BICC1: variants seen among roughly 807,000 people sequenced by gnomAD.
The protein encoded by BICC1 is BicC family RNA binding protein 1.
Under a neutral mutation model 111.0 loss-of-function variants are expected in BICC1, and 43 were observed. The ratio of observed to expected loss-of-function variants is 0.39; its 90% CI spans 0.30 to 0.50. BICC1 has a LOEUF of 0.50. BICC1 is among the 20% of genes least tolerant of loss of function. The pLI, the probability that BICC1 is intolerant of heterozygous loss-of-function variation, is 0.88. For synonymous variants in BICC1, 467 were observed against 434.4 expected, an observed-to-expected ratio of 1.07 and a Z score of -0.93; for missense variants, 1,091 against 1,203.2, an observed-to-expected ratio of 0.91 and a Z score of 1.38.
At chr10:58,764,769 G>C (rs751165886) in intron 3 of BICC1, among the ~76,000 whole-genome samples, 1 of 151,670 alleles carries the variant, frequency 6.6e-6, no homozygotes, top group Non-Finnish European at 1.5e-5. Context: ...CATAAGATCA[G>C]TGGGCTGAAA....
intron 1 of BICC1, among the ~76,000 whole-genome samples, chr10:58,524,236 T>A (rs186970827): frequency 6.6e-6 from 1 of 152,122 alleles, no homozygotes; most frequent in Non-Finnish European, 1.5e-5. Context: ...AAGCCCGCAT[T>A]GCCAAGTCAA....
intron 3 of BICC1, among the ~76,000 whole-genome samples, chr10:58,731,124 A>G (rs180788178): frequency 6.6e-6 from 1 of 152,040 alleles, no homozygotes; most frequent in African/African-American, 2.4e-5. Flanking sequence ...CTGCTTAGAA[A>G]CTTTTTTTAC....
At chr10:58,567,800 G>A (rs1333055492) in intron 1 of BICC1, among the ~76,000 whole-genome samples, 1 of 151,970 alleles carries the variant, frequency 6.6e-6, no homozygotes, top group African/African-American at 2.4e-5. Flanking sequence ...CTGATCAATT[G>A]TGCTTGGAAG....
At chr10:58,695,590 T>C (rs971301207) in intron 2 of BICC1, among the ~76,000 whole-genome samples, 18 of 152,216 alleles carry the variant, frequency 1.2e-4, no homozygotes, top group African/African-American at 2.9e-4. Context: ...AATAGACCTG[T>C]CTTGGGGTGA....
intron 2 of BICC1, among the ~76,000 whole-genome samples, chr10:58,697,655 G>A (rs1483935986): frequency 6.6e-6 from 1 of 152,072 alleles, no homozygotes; most frequent in East Asian, 1.9e-4. Flanking sequence ...ATAGCTTGTG[G>A]ATACAGAACC....
chr10:58,532,839 T>C (rs1250209859), intron 1 of BICC1, among the ~76,000 whole-genome samples: 2 of 151,950 alleles, frequency 1.3e-5, no homozygotes, highest in Non-Finnish European at 2.9e-5. Flanking sequence ...ACAATTGGCA[T>C]TGAGATCCTA....
chr10:58,629,343 G>C lies in BICC1; in HGVS notation c.237+8442G>C, dbSNP rs1288531959. On this transcript the variant is annotated intron_variant, in intron 2 of 20. Coordinates refer to ENST00000373886, the MANE Select transcript of BICC1 (RefSeq NM_001080512.3). ...ATTTTTTTTTTTCAAGTTTATACAGGTTGTTGGTGGCAGCCAGAACTTAGC... is the reference window on the plus strand; with the variant it reads ...ATTTTTTTTTTTCAAGTTTATACAGCTTGTTGGTGGCAGCCAGAACTTAGC... Among the ~76,000 whole-genome samples the C allele has an allele frequency of 4.0e-5, 6 of 151,738 alleles. No homozygotes were observed. In the East Asian group the frequency reaches 1.2e-3, roughly 29 times the overall value.
chr10:58,599,195 G>A (rs1459269627), intron 1 of BICC1, among the ~76,000 whole-genome samples: 1 of 152,106 alleles, frequency 6.6e-6, no homozygotes, highest in Non-Finnish European at 1.5e-5. Flanking sequence ...AAAGACACAT[G>A]CACACATATG....
intron 1 of BICC1, among the ~76,000 whole-genome samples, chr10:58,522,337 G>A (rs186823457): frequency 3.3e-5 from 5 of 152,144 alleles, no homozygotes; most frequent in Non-Finnish European, 1.5e-5. Context: ...TAAAAGAACA[G>A]AAATTATAAC....
intron 3 of BICC1, among the ~76,000 whole-genome samples, chr10:58,754,712 C>T (rs1184525430): frequency 6.6e-6 from 1 of 151,728 alleles, no homozygotes; most frequent in African/African-American, 2.4e-5. Flanking sequence ...TTCTGTGGCC[C>T]TCTGTACTGT....
chr10:58,645,726 C>T (rs1315464555), intron 2 of BICC1, among the ~76,000 whole-genome samples: 2 of 152,176 alleles, frequency 1.3e-5, no homozygotes, highest in African/African-American at 2.4e-5. Flanking sequence ...CGCCAGGAGG[C>T]CAGTTGACTA....
intron 2 of BICC1, among the ~76,000 whole-genome samples, chr10:58,637,347 T>C (rs1837981475): frequency 6.6e-6 from 1 of 152,230 alleles, no homozygotes; most frequent in Admixed American, 6.5e-5. Flanking sequence ...TGAGGTTTGC[T>C]ACCAATAAAG....
At chr10:58,750,054 AAGACTCT>A (rs1285385123) in intron 3 of BICC1, among the ~76,000 whole-genome samples, 1 of 151,230 alleles carries the variant, frequency 6.6e-6, no homozygotes, top group African/African-American at 2.5e-5. Context: ...AGGATAAATA[AAGACTCT>A]AGAGCAAAAT....
intron 1 of BICC1, among the ~76,000 whole-genome samples, chr10:58,551,421 C>T (rs1843292191): frequency 6.6e-6 from 1 of 152,116 alleles, no homozygotes; most frequent in South Asian, 2.1e-4. Context: ...GATATATGTA[C>T]ATATTGTGGA....
rs182570117 is a variant in BICC1 at position 58,804,801 on chromosome 10, A to G, written c.2181+1559A>G. 1.3e-3 allele frequency among the ~76,000 whole-genome samples: 205 copies of G among 152,296 alleles called. 2 individuals are homozygous for G. Among genetic ancestry groups the G allele is most frequent in the Non-Finnish European group, 5.4e-4 (37 of 68,026 alleles). ...GTTGTTAGTGAACAGTTGACTCTTA[A>G]TAAATCACTAAGAAATCAATGATAA... On this transcript the variant is annotated intron_variant, in intron 15 of 20. Transcript: ENST00000373886.
chr10:58,738,710 C>T (rs1267312183), intron 3 of BICC1, among the ~76,000 whole-genome samples: 1 of 147,610 alleles, frequency 6.8e-6, no homozygotes, highest in African/African-American at 2.5e-5. Context: ...TTGATTCTTC[C>T]TACCCATGAG....
At chr10:58,527,864 A>G (rs1022839255) in intron 1 of BICC1, among the ~76,000 whole-genome samples, 1 of 151,954 alleles carries the variant, frequency 6.6e-6, no homozygotes, top group Non-Finnish European at 1.5e-5. Context: ...CTCAGTGAGA[A>G]TGCAGGTGTT....
chr10:58,664,329 T>TA (rs1206667479), intron 2 of BICC1, among the ~76,000 whole-genome samples: 1 of 152,214 alleles, frequency 6.6e-6, no homozygotes, highest in East Asian at 1.9e-4. Context: ...GAGCATTTTT[T>TA]AATGTGCTTA....
chr10:58,689,295 T>G (rs1159824429), intron 2 of BICC1, among the ~76,000 whole-genome samples: 1 of 152,140 alleles, frequency 6.6e-6, no homozygotes, highest in Non-Finnish European at 1.5e-5. Context: ...GCCAGAAAGC[T>G]TCATTCTCAA....
Sources: gnomAD v4.1 joint callset for allele counts (sites outside exome capture counted in the v4.1 genomes callset) on GRCh38, gnomAD v4.1.1 for gene constraint, MANE v1.5 for transcripts, NCBI Gene and HGNC (gene_info 2026-07-23, HGNC 2026-07-21) for gene names.